Variants in NKAIN1 observed in about 807,000 individuals in gnomAD.
NKAIN1 encodes the protein sodium/potassium-transporting ATPase subunit beta-1-interacting protein 1.
NKAIN1 carries 13 observed loss-of-function variants against 31.6 expected under a neutral mutation model. The ratio of observed to expected loss-of-function variants is 0.41; its 90% CI spans 0.27 to 0.65. The LOEUF is 0.65. Among genes scored for constraint, NKAIN1 ranks in the 30% least tolerant of loss-of-function variants. The pLI is 0.30. For missense variants in NKAIN1, 193 were observed against 262.2 expected (o/e 0.74, Z 1.82); for synonymous variants, 104 against 109.0 (o/e 0.95, Z 0.28).
chr1:31,181,571 G>A lies in NKAIN1; in HGVS notation c.*132C>T. On this transcript the variant is annotated 3_prime_UTR_variant, in exon 7 of 7. Coordinates refer to ENST00000373736, the MANE Select transcript of NKAIN1 (RefSeq NM_024522.3). Reference sequence around the variant, plus strand: ...CACGTCCAAGTCCGCATCTCCAGATGCAGACGCGGGGTTGGGCACAGGCTG... The same window carrying A: ...CACGTCCAAGTCCGCATCTCCAGATACAGACGCGGGGTTGGGCACAGGCTG... 1.3e-6 allele frequency: 1 copy of A among 786,558 alleles called. No homozygotes were observed. The highest frequency in any genetic ancestry group is 1.8e-6 in the Non-Finnish European group (1 of 556,202). The allele number at this position is 786,558 out of a possible 1,614,324, so 48.7% of individuals were successfully genotyped here. A position where few individuals can be genotyped will look rare whatever the true frequency, so the allele number is the denominator to read the frequency against.
At chr1:31,203,355 C>T (rs113442039) in intron 1 of NKAIN1, among the ~76,000 whole-genome samples, 1 of 83,720 alleles carries the variant, frequency 1.2e-5, no homozygotes, top group Admixed American at 1.3e-4. Flanking sequence ...GACAGTGCCT[C>T]CACACGATTC....
At chr1:31,199,244 C>A (rs1235565458) in intron 1 of NKAIN1, among the ~76,000 whole-genome samples, 1 of 152,174 alleles carries the variant, frequency 6.6e-6, no homozygotes, top group African/African-American at 2.4e-5. Flanking sequence ...CAGTTCTCAT[C>A]GACTCACTGT....
At chr1:31,223,734 A>G (rs10914331) in intron 1 of NKAIN1, among the ~76,000 whole-genome samples, 62,027 of 152,036 alleles carry the variant, frequency 0.41, 15,788 homozygotes, top group African/African-American at 0.72. Context: ...GTGAGCCACC[A>G]CGCCCAGCCG....
chr1:31,227,592 T>C (rs1389901009), intron 1 of NKAIN1, among the ~76,000 whole-genome samples: 1 of 152,144 alleles, frequency 6.6e-6, no homozygotes, highest in East Asian at 1.9e-4. Context: ...GCAGAGACCC[T>C]GCAGTCCATT....
rs1166560380 is a variant in NKAIN1 at position 31,180,858 on chromosome 1, C to T, written c.*845G>A. ...AATAAGAGAACGAATGGGTATATTG[C>T]TTTAAGAGAGGCATTGGCAAGTGGT... is the stretch of plus-strand genomic sequence containing the variant. On this transcript the variant is annotated 3_prime_UTR_variant, in exon 7 of 7. Transcript: ENST00000373736. 1 of 152,190 alleles carries T rather than the reference C, an allele frequency of 6.6e-6. No individual in the cohort carries two copies. The highest frequency in any genetic ancestry group is 1.9e-4 in the East Asian group (1 of 5,188). 9.4% of individuals were successfully genotyped at this position (152,190 alleles called of 1,614,324 possible). A position where few individuals can be genotyped will look rare whatever the true frequency, so the allele number is the denominator to read the frequency against.
Position 31,239,416 on chromosome 1 carries a change from C to T in NKAIN1, c.54+78G>A, listed in dbSNP as rs1271985598. 3 of 1,161,858 alleles carry T rather than the reference C, an allele frequency of 2.6e-6. No homozygotes were observed. Among genetic ancestry groups the T allele is most frequent in the Non-Finnish European group, 2.3e-6 (2 of 877,552 alleles). 72.0% of individuals were successfully genotyped at this position (1,161,858 alleles called of 1,614,324 possible). On this transcript the variant is annotated intron_variant, in intron 1 of 6. Coordinates refer to ENST00000373736, the MANE Select transcript of NKAIN1 (RefSeq NM_024522.3). The surrounding 1 kb of genome is among the most constrained non-coding windows in gnomAD (Gnocchi z 4.8). Reference sequence around the variant, plus strand: ...CCAGACACACACACAGAGACACACGCAACCCCACCCGCACGCCCTGGGACC... The same window carrying T: ...CCAGACACACACACAGAGACACACGTAACCCCACCCGCACGCCCTGGGACC...
In NKAIN1 at chr1:31,231,676, G is replaced by A. The variant is rs187775507; in HGVS notation, c.54+7818C>T. On this transcript the variant is annotated intron_variant, in intron 1 of 6. Transcript: ENST00000373736. ...CTCCCGAGTAGCTGGAACTACAGGC[G>A]CCCGCCACCACGCCCGGCTAATTTT... 6.8e-3 allele frequency among the ~76,000 whole-genome samples: 985 copies of A among 143,916 alleles called. 23 individuals carry two copies. The East Asian group carries it at 0.077, about 11-fold the overall frequency. 94.4% of individuals were successfully genotyped at this position (143,916 alleles called of 152,430 possible).
intron 2 of NKAIN1, among the ~76,000 whole-genome samples, chr1:31,187,269 A>G (rs1035418073): frequency 2.0e-5 from 3 of 152,172 alleles, no homozygotes; most frequent in East Asian, 3.9e-4. Context: ...CTTTTCCCTC[A>G]AGAGAGCCAT....
Position 31,239,437 on chromosome 1 carries a change from G to T in NKAIN1, c.54+57C>A, listed in dbSNP as rs948266137. 10 of 1,358,596 alleles carry T rather than the reference G, an allele frequency of 7.4e-6. No individual in the cohort carries two copies. The highest frequency in any genetic ancestry group is 1.5e-5 in the African/African-American group (1 of 65,398). 84.2% of individuals were successfully genotyped at this position (1,358,596 alleles called of 1,614,324 possible). A position where few individuals can be genotyped will look rare whatever the true frequency, so the allele number is the denominator to read the frequency against. On this transcript the variant is annotated intron_variant, in intron 1 of 6. Coordinates refer to ENST00000373736, the MANE Select transcript of NKAIN1 (RefSeq NM_024522.3). This position sits in a 1 kb window ranked among gnomAD's most constrained non-coding sequence, Gnocchi z 4.8. ...CACGCAACCCCACCCGCACGCCCTG[G>T]GACCGCGCCCCGCCGCGCCCCACCC...
intron 1 of NKAIN1, among the ~76,000 whole-genome samples, chr1:31,214,541 G>A (rs1158251292): frequency 6.6e-6 from 1 of 152,080 alleles, no homozygotes; most frequent in Non-Finnish European, 1.5e-5. Flanking sequence ...ATGTGTATGT[G>A]TGCATGCATG....
At chr1:31,187,138 C>T (rs577209514) in intron 2 of NKAIN1, among the ~76,000 whole-genome samples, 2 of 152,094 alleles carry the variant, frequency 1.3e-5, no homozygotes, top group African/African-American at 4.8e-5. Flanking sequence ...GGGAACTGAG[C>T]CTGTGGAGGT....
chr1:31,181,508 C>A lies in NKAIN1; in HGVS notation c.*195G>T. 2.1e-6 allele frequency: 1 copy of A among 467,480 alleles called. No individual in the cohort carries two copies. The highest frequency in any genetic ancestry group is 3.6e-6 in the Non-Finnish European group (1 of 276,476). The allele number at this position is 467,480 out of a possible 1,614,324, so 29.0% of individuals were successfully genotyped here. A position where few individuals can be genotyped will look rare whatever the true frequency, so the allele number is the denominator to read the frequency against. ...CCCCACTCCTCCGAAGTCCGGGCTG[C>A]GAAGAGCCAAGCTCAAATCCAAGTC... On this transcript the variant is annotated 3_prime_UTR_variant, in exon 7 of 7. Coordinates refer to ENST00000373736, the MANE Select transcript of NKAIN1 (RefSeq NM_024522.3).
At chr1:31,218,532 C>T (rs1645535663) in intron 1 of NKAIN1, among the ~76,000 whole-genome samples, 1 of 152,126 alleles carries the variant, frequency 6.6e-6, no homozygotes, top group Non-Finnish European at 1.5e-5. Flanking sequence ...GGCAACTTGC[C>T]TCTGTTCACA....
chr1:31,217,958 T>C (rs1570471960), intron 1 of NKAIN1, among the ~76,000 whole-genome samples: 1 of 152,240 alleles, frequency 6.6e-6, no homozygotes, highest in Middle Eastern at 3.4e-3. Flanking sequence ...TCATAGGCAC[T>C]CCTGTCCTCT....
intron 1 of NKAIN1, among the ~76,000 whole-genome samples, chr1:31,200,013 GCA>G (rs370729911): frequency 1.1e-5 from 1 of 95,162 alleles, no homozygotes; most frequent in African/African-American, 3.1e-5. Context: ...GCACACACAT[GCA>G]CACACACACG....
At chr1:31,205,135 A>G (rs1228500895) in intron 1 of NKAIN1, among the ~76,000 whole-genome samples, 1 of 151,488 alleles carries the variant, frequency 6.6e-6, no homozygotes, top group African/African-American at 2.4e-5. Context: ...CACGGATTGG[A>G]CAAGCAATTT....
At chr1:31,228,092 C>A (rs556581158) in intron 1 of NKAIN1, among the ~76,000 whole-genome samples, 1 of 152,278 alleles carries the variant, frequency 6.6e-6, no homozygotes, top group Admixed American at 6.5e-5. Flanking sequence ...CATTAGGGAG[C>A]GCGCTGAGTA....
At chr1:31,226,489 C>T (rs978582465) in intron 1 of NKAIN1, among the ~76,000 whole-genome samples, 4 of 150,858 alleles carry the variant, frequency 2.7e-5, no homozygotes, top group African/African-American at 9.8e-5. Context: ...ATGGGGATAT[C>T]GGGGCTCCAT....
rs1245667020 is a variant in NKAIN1 at position 31,180,334 on chromosome 1, G to C, written c.*1369C>G. 1 of 152,248 alleles carries C rather than the reference G, an allele frequency of 6.6e-6. No homozygotes were observed. The highest frequency in any genetic ancestry group is 2.4e-5 in the African/African-American group (1 of 41,440). The allele number at this position is 152,248 out of a possible 1,614,324, so 9.4% of individuals were successfully genotyped here. A position where few individuals can be genotyped will look rare whatever the true frequency, so the allele number is the denominator to read the frequency against. Reference sequence around the variant, plus strand: ...GATCCTCTCTCTATGGACGCACCAGGCAGTGCGTGGGATGCAGCGTCCTCA... The same window carrying C: ...GATCCTCTCTCTATGGACGCACCAGCCAGTGCGTGGGATGCAGCGTCCTCA... On this transcript the variant is annotated 3_prime_UTR_variant, in exon 7 of 7. Transcript: ENST00000373736.
Sources: allele counts gnomAD v4.1 joint callset (sites outside exome capture counted in the v4.1 genomes callset), GRCh38; gene constraint gnomAD v4.1.1; non-coding constraint Gnocchi (gnomAD v3.1); transcripts MANE v1.5; gene names NCBI Gene and HGNC (gene_info 2026-07-23, HGNC 2026-07-21).